The following BTBD9 variants were observed in gnomAD, a reference collection of about 807,000 sequenced individuals.
BTBD9 encodes the protein BTB/POZ domain-containing protein 9.
In BTBD9, 49 loss-of-function variants were observed where a neutral mutation model predicts 64.3. The ratio of observed to expected loss-of-function variants is 0.76; its 90% CI spans 0.61 to 0.97. BTBD9 has a LOEUF of 0.97. BTBD9 is among the 50% of genes least tolerant of loss of function. The pLI is 0.00. For missense variants in BTBD9, 598 were observed against 762.1 expected (o/e 0.78, Z 2.53); for synonymous variants, 260 against 274.7 (o/e 0.95, Z 0.53).
chr6:38,519,562 T>G (rs1360890172), intron 6 of BTBD9, among the ~76,000 whole-genome samples: 1 of 152,216 alleles, frequency 6.6e-6, no homozygotes, highest in Non-Finnish European at 1.5e-5. Flanking sequence ...TGCTTTTTCA[T>G]TTGAAAAACT....
At position 38,390,096 on chromosome 6, in the gene BTBD9, G is replaced by A. The variant is rs1039441712; in HGVS notation, c.1155-45003C>T. ...CTGAAAATACCTCTCTGCTGGTGCC[G>A]TCACATATCTCAGAGTGTGCTGCGC... On this transcript the variant is annotated intron_variant, in intron 6 of 10. Coordinates refer to ENST00000481247, the MANE Select transcript of BTBD9 (RefSeq NM_001099272.2). Among the ~76,000 whole-genome samples the A allele has an allele frequency of 5.9e-5, 9 of 152,146 alleles. No individual in the cohort carries two copies. The South Asian group carries it at 6.2e-4, about 11-fold the overall frequency.
intron 6 of BTBD9, among the ~76,000 whole-genome samples, chr6:38,552,699 G>A (rs140015736): frequency 2.6e-5 from 4 of 151,542 alleles, no homozygotes; most frequent in South Asian, 2.1e-4. Flanking sequence ...CCCAGGAGGC[G>A]GAGGTTGTAG....
Position 38,594,335 on chromosome 6 carries a change from T to C in BTBD9, c.186-8A>G. On this transcript the variant is annotated splice_polypyrimidine_tract_variant and splice_region_variant and intron_variant, in intron 2 of 10. Transcript: ENST00000481247. ...CCACCATATAATAATGCTCTGCACA[T>C]CAGGGAAGAAACACATGAAGAAACC... is the stretch of plus-strand genomic sequence containing the variant. 1 of 1,582,456 alleles carries C rather than the reference T, an allele frequency of 6.3e-7. No homozygotes were observed. The highest frequency in any genetic ancestry group is 8.6e-7 in the Non-Finnish European group (1 of 1,162,704).
chr6:38,597,725 C>T (rs141870111), intron 2 of BTBD9, among the ~76,000 whole-genome samples, 185 bp downstream of exon 2: 306 of 152,196 alleles, frequency 2.0e-3, no homozygotes, highest in Non-Finnish European at 3.7e-3. Flanking sequence ...TTTAAGGTGG[C>T]TCCTAAAGGA....
intron 6 of BTBD9, among the ~76,000 whole-genome samples, chr6:38,514,772 C>T (rs1772936294): frequency 1.3e-5 from 2 of 152,124 alleles, no homozygotes; most frequent in Non-Finnish European, 2.9e-5. Context: ...TTGAAGAGAA[C>T]CTTAAATGTC....
chr6:38,387,393 C>T (rs771740072), intron 6 of BTBD9, among the ~76,000 whole-genome samples: 9 of 152,152 alleles, frequency 5.9e-5, no homozygotes, highest in Admixed American at 1.3e-4. Flanking sequence ...AAAAATTAGC[C>T]GGGTGTAGTG....
intron 6 of BTBD9, among the ~76,000 whole-genome samples, chr6:38,408,838 C>T (rs1489113381): frequency 6.6e-6 from 1 of 152,192 alleles, no homozygotes; most frequent in African/African-American, 2.4e-5. Context: ...ATCCCTCCCT[C>T]ACTCAGTCCA....
chr6:38,614,961 T>G (rs913796187), intron 1 of BTBD9, among the ~76,000 whole-genome samples: 7 of 152,224 alleles, frequency 4.6e-5, no homozygotes, highest in African/African-American at 1.2e-4. Context: ...TCAGTGGTAT[T>G]CCACGGCTCT....
intron 7 of BTBD9, among the ~76,000 whole-genome samples, chr6:38,326,449 T>TG (rs1425691978): frequency 6.6e-6 from 1 of 151,770 alleles, no homozygotes; most frequent in African/African-American, 2.4e-5. Flanking sequence ...AAGACAACGC[T>TG]GGGGGGAGCG....
chr6:38,470,817 C>T (rs934628691), intron 6 of BTBD9, among the ~76,000 whole-genome samples: 2 of 152,194 alleles, frequency 1.3e-5, no homozygotes, highest in African/African-American at 4.8e-5. Flanking sequence ...GCCCTCCTGC[C>T]TCAGTCCAAC....
chr6:38,398,865 A>G (rs959202222), intron 6 of BTBD9, among the ~76,000 whole-genome samples: 1 of 152,202 alleles, frequency 6.6e-6, no homozygotes, highest in Non-Finnish European at 1.5e-5. Context: ...GTGGAGATAT[A>G]CACTCCCTGC....
In BTBD9 at chr6:38,592,801, C is replaced by T. The variant is rs759623931; in HGVS notation, c.589G>A (p.Ala197Thr). Residue 197 changes from alanine to threonine, a missense_variant, in exon 4 of 11, where the codon GCT becomes ACT. By Grantham distance (58) the Ala-to-Thr change is moderately conservative. Coordinates refer to ENST00000481247, the MANE Select transcript of BTBD9 (RefSeq NM_001099272.2). The stretch of plus-strand genomic sequence containing the variant: ...GCTAGGAAAATATCTTTTTCGGGAG[C>T]TGCAAATGAGTCTCTTAACACGATG... ...LNIVLRDSFA[A>T]PEKDIFLALL... The T allele has an allele frequency of 2.5e-6, 4 of 1,614,180 alleles. No homozygotes were observed. The highest frequency in any genetic ancestry group is 3.4e-6 in the Non-Finnish European group (4 of 1,180,032).
intron 6 of BTBD9, among the ~76,000 whole-genome samples, chr6:38,467,914 GCTTA>G (rs1456372815): frequency 6.6e-6 from 1 of 152,054 alleles, no homozygotes; most frequent in Non-Finnish European, 1.5e-5. Context: ...CGTTATCATA[GCTTA>G]CTTTTTTTTC....
intron 9 of BTBD9, among the ~76,000 whole-genome samples, chr6:38,200,243 CA>C (rs1320418151): frequency 6.6e-6 from 1 of 152,184 alleles, no homozygotes; most frequent in Non-Finnish European, 1.5e-5. Flanking sequence ...CAAAATAGAC[CA>C]AAACCTGTGG....
At chr6:38,192,714 C>A in intron 9 of BTBD9, 117 bp from the exon 10 acceptor site, 1 of 852,414 alleles carries the variant, frequency 1.2e-6, no homozygotes, top group Non-Finnish European at 1.9e-6. Context: ...GAGACCTGCA[C>A]TATAGGAGGG....
At chr6:38,361,157 C>T (rs1264260750) in intron 6 of BTBD9, among the ~76,000 whole-genome samples, 1 of 152,084 alleles carries the variant, frequency 6.6e-6, no homozygotes, top group Non-Finnish European at 1.5e-5. Context: ...TGTCATTTAA[C>T]TGAAATGGGG....
chr6:38,513,050 G>A lies in BTBD9; in HGVS notation c.1154+64550C>T, dbSNP rs905948271. On this transcript the variant is annotated intron_variant, in intron 6 of 10. Transcript: ENST00000481247. ...AAATTCCAAGGAGTTCTTAGTGCCC[G>A]ACCTTTACCCCAATGCCTAACCATA... is the stretch of plus-strand genomic sequence containing the variant. 7.2e-5 allele frequency among the ~76,000 whole-genome samples: 11 copies of A among 152,112 alleles called. No homozygotes were observed. The East Asian group carries it at 1.3e-3, about 19-fold the overall frequency.
intron 6 of BTBD9, among the ~76,000 whole-genome samples, chr6:38,444,953 C>T (rs943598431): frequency 2.6e-5 from 4 of 152,220 alleles, no homozygotes; most frequent in Admixed American, 2.6e-4. Context: ...CTTCTGGACA[C>T]ATGGAAGACT....
chr6:38,446,803 C>T (rs925164849), intron 6 of BTBD9, among the ~76,000 whole-genome samples: 1 of 152,108 alleles, frequency 6.6e-6, no homozygotes, highest in Non-Finnish European at 1.5e-5. Context: ...GTTTGTTGGA[C>T]GTCAAAGCCA....
Sources: gnomAD v4.1 joint callset for allele counts (sites outside exome capture counted in the v4.1 genomes callset) on GRCh38, gnomAD v4.1.1 for gene constraint, MANE v1.5 for transcripts, NCBI Gene and HGNC (gene_info 2026-07-23, HGNC 2026-07-21) for gene names.